The following ACTL8 variants were observed in gnomAD, a reference collection of about 807,000 sequenced individuals.
ACTL8 encodes actin like 8.
In ACTL8, 3 loss-of-function variants were observed where a neutral mutation model predicts 9.3. The observed-to-expected ratio is 0.32, with a 90% CI of 0.15 to 0.83. ACTL8 has a LOEUF of 0.83. ACTL8 is among the 40% of genes least tolerant of loss of function. ACTL8 has a pLI of 0.57. For missense variants in ACTL8, 381 were observed against 492.2 expected (o/e 0.77, Z 2.14); for synonymous variants, 224 against 205.9 (o/e 1.09, Z -0.75).
At chr1:17,759,780 C>G (rs972062266) in intron 1 of ACTL8, among the ~76,000 whole-genome samples, 21 of 152,202 alleles carry the variant, frequency 1.4e-4, no homozygotes, top group African/African-American at 4.8e-4. Context: ...GCTTGATACT[C>G]TAGCTCAGCA....
intron 1 of ACTL8, among the ~76,000 whole-genome samples, chr1:17,811,561 T>C (rs1352314447): frequency 6.6e-6 from 1 of 152,216 alleles, no homozygotes; most frequent in Non-Finnish European, 1.5e-5. Flanking sequence ...TTCTTATGTT[T>C]TTTGCAGAAG....
At chr1:17,797,853 C>T (rs2066289127) in intron 1 of ACTL8, among the ~76,000 whole-genome samples, 1 of 152,186 alleles carries the variant, frequency 6.6e-6, no homozygotes, top group Non-Finnish European at 1.5e-5. Flanking sequence ...AGTGGGCTTC[C>T]AGCAAACGGG....
At chr1:17,804,997 C>G (rs1557442270) in intron 1 of ACTL8, among the ~76,000 whole-genome samples, 1 of 152,156 alleles carries the variant, frequency 6.6e-6, no homozygotes, top group Non-Finnish European at 1.5e-5. Context: ...CCTCTCTGCT[C>G]AGAAACCTTC....
intron 1 of ACTL8, among the ~76,000 whole-genome samples, chr1:17,805,446 C>T (rs1354668525): frequency 2.3e-5 from 3 of 130,366 alleles, no homozygotes; most frequent in Middle Eastern, 5.9e-3. Context: ...AGTGCAGTGG[C>T]GCGGTCTTGG....
intron 1 of ACTL8, among the ~76,000 whole-genome samples, chr1:17,766,891 A>G (rs907160369): frequency 4.6e-5 from 7 of 152,310 alleles, no homozygotes; most frequent in Middle Eastern, 3.4e-3. Context: ...GAATGAATCT[A>G]TTATGTACTG....
At chr1:17,787,355 C>T (rs1267049092) in intron 1 of ACTL8, among the ~76,000 whole-genome samples, 2 of 152,126 alleles carry the variant, frequency 1.3e-5, no homozygotes, top group African/African-American at 2.4e-5. Context: ...GCCTCTTCCT[C>T]CCAGGCTCAA....
At chr1:17,763,586 C>A (rs1474437715) in intron 1 of ACTL8, among the ~76,000 whole-genome samples, 14 of 152,188 alleles carry the variant, frequency 9.2e-5, no homozygotes, top group African/African-American at 2.9e-4. Context: ...GCTGCAGATC[C>A]CCCTGCTGGC....
At chr1:17,769,427 A>T (rs1029832658) in intron 1 of ACTL8, among the ~76,000 whole-genome samples, 1 of 152,230 alleles carries the variant, frequency 6.6e-6, no homozygotes, top group African/African-American at 2.4e-5. Context: ...ACACGTTTGT[A>T]GCTGGTAGAT....
chr1:17,800,583 C>CTTTTTTTTTT (rs59143238), intron 1 of ACTL8, among the ~76,000 whole-genome samples: 4 of 69,156 alleles, frequency 5.8e-5, no homozygotes, highest in African/African-American at 1.3e-4. Context: ...TGGTGTCAAT[C>CTTTTTTTTTT]TTTTTTTTTT....
At chr1:17,819,763 G>C (rs1278328730) in intron 1 of ACTL8, among the ~76,000 whole-genome samples, 1 of 152,144 alleles carries the variant, frequency 6.6e-6, no homozygotes, top group Non-Finnish European at 1.5e-5. Context: ...AGGTGTGGTG[G>C]CTTACAACTG....
intron 1 of ACTL8, among the ~76,000 whole-genome samples, chr1:17,766,973 T>C (rs2066049193): frequency 6.6e-6 from 1 of 152,202 alleles, no homozygotes; most frequent in Non-Finnish European, 1.5e-5. Flanking sequence ...GCAGTTCCAT[T>C]CTAGTTGGGG....
At chr1:17,756,190 T>A (rs1047477871) in intron 1 of ACTL8, among the ~76,000 whole-genome samples, 1 of 152,030 alleles carries the variant, frequency 6.6e-6, no homozygotes, top group Admixed American at 6.5e-5. Context: ...GGCTCTATCT[T>A]ATCCCTTGAA....
At chr1:17,780,860 A>G (rs1317172281) in intron 1 of ACTL8, among the ~76,000 whole-genome samples, 1 of 152,130 alleles carries the variant, frequency 6.6e-6, no homozygotes, top group Non-Finnish European at 1.5e-5. Context: ...AGATTTGGCA[A>G]CTGCTGGTCT....
At chr1:17,780,202 C>T (rs1332964021) in intron 1 of ACTL8, among the ~76,000 whole-genome samples, 1 of 152,006 alleles carries the variant, frequency 6.6e-6, no homozygotes, top group Non-Finnish European at 1.5e-5. Context: ...AGTTGAGACC[C>T]TGTCTTGAAA....
intron 1 of ACTL8, among the ~76,000 whole-genome samples, chr1:17,794,692 C>T (rs1416087049): frequency 1.3e-5 from 2 of 152,196 alleles, no homozygotes; most frequent in Non-Finnish European, 2.9e-5. Flanking sequence ...GTTGTATTAA[C>T]ATTTTAAATT....
intron 1 of ACTL8, among the ~76,000 whole-genome samples, chr1:17,777,727 C>T (rs2102681630): frequency 6.6e-6 from 1 of 152,314 alleles, no homozygotes; most frequent in South Asian, 2.1e-4. Flanking sequence ...TTGAAACAGT[C>T]TCACTCTGTC....
intron 1 of ACTL8, among the ~76,000 whole-genome samples, chr1:17,769,421 GT>G (rs1383873913): frequency 1.3e-5 from 2 of 152,188 alleles, no homozygotes; most frequent in Non-Finnish European, 2.9e-5. Context: ...CCTTAGACAC[GT>G]TTGTAGCTGG....
intron 1 of ACTL8, among the ~76,000 whole-genome samples, chr1:17,769,954 G>A (rs1345402418): frequency 6.6e-6 from 1 of 152,208 alleles, no homozygotes; most frequent in African/African-American, 2.4e-5. Flanking sequence ...AGCTTGCAGT[G>A]TCTGGATTAT....
At position 17,792,684 on chromosome 1, in the gene ACTL8, T is replaced by C. The variant is rs552756589; in HGVS notation, c.-24-30301T>C. Among the ~76,000 whole-genome samples, 5 of 152,322 alleles carry C rather than the reference T, an allele frequency of 3.3e-5. 1 individual carries two copies. In the South Asian group the frequency reaches 1.0e-3, roughly 32 times the overall value. ...ATTGGGACAGTGGCTCCTTGTCTCC[T>C]CTTGGAGATCGTGAGGCTCTTTCCT... is the stretch of plus-strand genomic sequence containing the variant. On this transcript the variant is annotated intron_variant, in intron 1 of 2. Coordinates refer to ENST00000375406, the MANE Select transcript of ACTL8 (RefSeq NM_030812.3).
Sources: allele counts gnomAD v4.1 joint callset (sites outside exome capture counted in the v4.1 genomes callset), GRCh38; gene constraint gnomAD v4.1.1; transcripts MANE v1.5; gene names NCBI Gene and HGNC (gene_info 2026-07-23, HGNC 2026-07-21).